The following THBD variants were observed in gnomAD, a reference collection of about 807,000 sequenced individuals.
THBD encodes the protein thrombomodulin, also known as CD141 antigen.
For synonymous variants in THBD, 449 were observed against 374.2 expected (o/e 1.20, Z -2.31); for missense variants, 850 against 816.9 (o/e 1.04, Z -0.49).
Position 23,047,871 on chromosome 20 carries a change from G to A in THBD, c.1634C>T (p.Ala545Val), listed in dbSNP as rs763163982. Reference sequence around the variant, plus strand: ...CTTGTACTCCATCTTGGCCCTGGCGGCGCCCTGCTTCTTGCGCAGGTGGCA... The same window carrying A: ...CTTGTACTCCATCTTGGCCCTGGCGACGCCCTGCTTCTTGCGCAGGTGGCA... ...LLCHLRKKQG[A>V]ARAKMEYKCA... The change falls in exon 1 of 1, where the codon GCC becomes GTC. Residue 545 changes from alanine to valine, a missense_variant. By Grantham distance (64) the Ala-to-Val change is moderately conservative. Coordinates refer to ENST00000377103, the MANE Select transcript of THBD (RefSeq NM_000361.3). The A allele has an allele frequency of 6.2e-7, 1 of 1,602,894 alleles. No individual in the cohort carries two copies. Among genetic ancestry groups the A allele is most frequent in the East Asian group, 2.3e-5 (1 of 44,442 alleles).
rs781753148 is a variant in THBD at position 23,048,950 on chromosome 20, C to T, written c.555G>A (p.Ala185=). 1.9e-6 allele frequency: 3 copies of T among 1,545,766 alleles called. No homozygotes were observed. Among genetic ancestry groups the T allele is most frequent in the Non-Finnish European group, 1.7e-6 (2 of 1,148,610 alleles). The change falls in exon 1 of 1, where the codon GCG becomes GCA. Residue 185 remains alanine, a synonymous_variant. Coordinates refer to ENST00000377103, the MANE Select transcript of THBD (RefSeq NM_000361.3). ...CGTAGGTGATCGAGACGGCGGCAGC[C>T]GCGGCGCCGGGCTCCACAGCCAGTG... ...CRPLAVEPGA[A]AAAVSITYGT...
chr20:23,048,864 G>T lies in THBD; in HGVS notation c.641C>A (p.Ala214Glu). Residue 214 changes from alanine to glutamate, a missense_variant, in exon 1 of 1, where the codon GCG becomes GAG. Coordinates refer to ENST00000377103, the MANE Select transcript of THBD (RefSeq NM_000361.3). ...TAGCTGTAAGCCGAGGGGAGCCACC[G>T]CGGCGGAGCTGCCCACCGGCAGCGC... Reference protein sequence around the residue: ...FQALPVGSSAAVAPLGLQLMC... With the variant: ...FQALPVGSSAEVAPLGLQLMC... 1 of 1,503,056 alleles carries T rather than the reference G, an allele frequency of 6.7e-7. No individual in the cohort carries two copies. The highest frequency in any genetic ancestry group is 1.4e-5 in the African/African-American group (1 of 71,642). The allele number at this position is 1,503,056 out of a possible 1,614,324, so 93.1% of individuals were successfully genotyped here.
rs140335769 is a variant in THBD, at chr20:23,049,018, C to T, written c.487G>A (p.Asp163Asn). Residue 163 changes from aspartate (D) to asparagine (N), a missense_variant, in exon 1 of 1, where the codon GAT (aspartate) becomes AAT (asparagine). Physicochemically the swap from Asp to Asn is conservative, Grantham distance 23. Coordinates refer to ENST00000377103, the MANE Select transcript of THBD (RefSeq NM_000361.3). ...AAGTGGAACTCGCAGAGGAAGCCAT[C>T]GGCCTTCACTTCGCACTGCTGCTCC... ...WEEQQCEVKA[D>N]GFLCEFHFPA... 4.5e-6 allele frequency: 7 copies of T among 1,572,696 alleles called. No individual in the cohort carries two copies. The African/African-American group carries it at 5.4e-5, about 12-fold the overall frequency.
Position 23,047,827 on chromosome 20 carries a change from C to T in THBD, c.1678G>A (p.Glu560Lys), listed in dbSNP as rs201487514. 8 of 1,599,594 alleles carry T rather than the reference C, an allele frequency of 5.0e-6. No individual in the cohort carries two copies. The South Asian group carries it at 7.9e-5, about 16-fold the overall frequency. Residue 560 changes from glutamate (E) to lysine (K), a missense_variant, in exon 1 of 1, where the codon GAG becomes AAG. Physicochemically the swap from Glu to Lys is moderately conservative, Grantham distance 56. Coordinates refer to ENST00000377103, the MANE Select transcript of THBD (RefSeq NM_000361.3). ...GTCCGCACGTGCTGCAGCACTACCT[C>T]CTTGGAAGGGGCCGCGCACTTGTAC... is the stretch of plus-strand genomic sequence containing the variant. Reference protein sequence around the residue: ...MEYKCAAPSKEVVLQHVRTER... With the variant: ...MEYKCAAPSKKVVLQHVRTER...
rs1984629786 is a variant in THBD at position 23,048,146 on chromosome 20, C to A, written c.1359G>T (p.Gly453=). The A allele has an allele frequency of 6.2e-7, 1 of 1,613,586 alleles. No individual in the cohort carries two copies. Among genetic ancestry groups the A allele is most frequent in the South Asian group, 1.1e-5 (1 of 91,086 alleles). Residue 453 remains glycine (G), a synonymous_variant, in exon 1 of 1, where the codon GGG becomes GGT. Coordinates refer to ENST00000377103, the MANE Select transcript of THBD (RefSeq NM_000361.3). ...DECENGGFCS[G]VCHNLPGTFE... ...AGGTACCGGGGAGGTTGTGGCACAC[C>A]CCGGAGCAGAAGCCGCCGTTTTCGC... is the stretch of plus-strand genomic sequence containing the variant.
At position 23,048,302 on chromosome 20, in the gene THBD, C is replaced by T. The variant is rs1304888856; in HGVS notation, c.1203G>A (p.Pro401=). 2 of 1,613,876 alleles carry T rather than the reference C, an allele frequency of 1.2e-6. No individual in the cohort carries two copies. The highest frequency in any genetic ancestry group is 8.5e-7 in the Non-Finnish European group (1 of 1,180,032). ...GGTTGCAAAACATCTGGCACCTGTG[C>T]GGCTCGTGGGGAATGGGCGCGAAGC... The part of the protein sequence containing the change: ...AEGFAPIPHE[P]HRCQMFCNQT... Residue 401 remains proline (P), a synonymous_variant, in exon 1 of 1, where the codon CCG becomes CCA. Coordinates refer to ENST00000377103, the MANE Select transcript of THBD (RefSeq NM_000361.3).
At position 23,047,888 on chromosome 20, in the gene THBD, C is replaced by G. The variant is rs376049994; in HGVS notation, c.1617G>C (p.Leu539=). 3 of 1,606,022 alleles carry G rather than the reference C, an allele frequency of 1.9e-6. No homozygotes were observed. The Admixed American group carries it at 5.1e-5, about 27-fold the overall frequency. The part of the protein sequence containing the change: ...VVALLALLCH[L]RKKQGAARAK... The stretch of plus-strand genomic sequence containing the variant: ...CCCTGGCGGCGCCCTGCTTCTTGCG[C>G]AGGTGGCAGAGGAGCGCCAAAAGCG... The change falls in exon 1 of 1, where the codon CTG becomes CTC. Residue 539 remains leucine (L), a synonymous_variant. Transcript: ENST00000377103.
rs982068192 is a variant in THBD, at chr20:23,049,090, C to A, written c.415G>T (p.Ala139Ser). 45 of 1,581,994 alleles carry A rather than the reference C, an allele frequency of 2.8e-5. No homozygotes were observed. Among genetic ancestry groups the A allele is most frequent in the Non-Finnish European group, 3.7e-5 (43 of 1,166,010 alleles). ...GAPLCGPLCV[A>S]VSAAEATVPS... ...ACAGTGGCCTCAGCAGCGGAGACAG[C>A]GACGCACAACGGGCCGCAGAGGGGA... Residue 139 changes from alanine to serine, a missense_variant, in exon 1 of 1, where the codon GCT (alanine) becomes TCT (serine). Transcript: ENST00000377103.
At position 23,046,528 on chromosome 20, in the gene THBD, T is replaced by G. The variant is rs1984574509; in HGVS notation, c.*1249A>C. On this transcript the variant is annotated 3_prime_UTR_variant, in exon 1 of 1. Transcript: ENST00000377103. ...GGGCAGGGCAGCTTCCAATTCTTGT[T>G]CAGGGGCCACATTCCAAAAGGCCTC... 6.6e-6 allele frequency: 1 copy of G among 152,192 alleles called. No homozygotes were observed. The highest frequency in any genetic ancestry group is 1.5e-5 in the Non-Finnish European group (1 of 68,036). 9.4% of individuals were successfully genotyped at this position (152,192 alleles called of 1,614,324 possible). A position where few individuals can be genotyped will look rare whatever the true frequency, so the allele number is the denominator to read the frequency against.
At position 23,049,452 on chromosome 20, in the gene THBD, G is replaced by C; in HGVS notation, c.53C>G (p.Pro18Arg). Residue 18 changes from proline to arginine, a missense_variant, in exon 1 of 1, where the codon CCC (proline) becomes CGC (arginine). Coordinates refer to ENST00000377103, the MANE Select transcript of THBD (RefSeq NM_000361.3). ...ACCCGGCTGCGGCTCTGCGGGTGCGGGGAACCCCAGGCCGGCCAGGGCCAG... is the reference window on the plus strand; with the variant it reads ...ACCCGGCTGCGGCTCTGCGGGTGCGCGGAACCCCAGGCCGGCCAGGGCCAG... Reference protein sequence around the residue: ...GALALAGLGFPAPAEPQPGGS... With the variant: ...GALALAGLGFRAPAEPQPGGS... 6.4e-7 allele frequency: 1 copy of C among 1,555,236 alleles called. No individual in the cohort carries two copies. Among genetic ancestry groups the C allele is most frequent in the Non-Finnish European group, 8.7e-7 (1 of 1,151,242 alleles).
rs1984561222 is a variant in THBD at position 23,046,003 on chromosome 20, T to A, written c.*1774A>T. The A allele has an allele frequency of 6.6e-6, 1 of 152,254 alleles. No homozygotes were observed. Among genetic ancestry groups the A allele is most frequent in the Admixed American group, 6.5e-5 (1 of 15,290 alleles). 9.4% of individuals were successfully genotyped at this position (152,254 alleles called of 1,614,324 possible). On this transcript the variant is annotated 3_prime_UTR_variant, in exon 1 of 1. Coordinates refer to ENST00000377103, the MANE Select transcript of THBD (RefSeq NM_000361.3). ...ACAGACACACAACCCGAGAGCACAT[T>A]GTTATTTGTTTATTTTGTACAAGTG...
chr20:23,048,720 G>T lies in THBD; in HGVS notation c.785C>A (p.Ala262Asp). The stretch of plus-strand genomic sequence containing the variant: ...GCCGGCTGGGCACTGGCAGCGGGGA[G>T]CCCCAGGGATCGCATTGCACGCGTG... ...CEHACNAIPG[A>D]PRCQCPAGAA... The change falls in exon 1 of 1, where the codon GCT becomes GAT. Residue 262 changes from alanine to aspartate, a missense_variant. Physicochemically the swap from Ala to Asp is moderately radical, Grantham distance 126. Transcript: ENST00000377103. 6.3e-7 allele frequency: 1 copy of T among 1,581,384 alleles called. No homozygotes were observed. Among genetic ancestry groups the T allele is most frequent in the Non-Finnish European group, 8.5e-7 (1 of 1,171,746 alleles).
At position 23,048,397 on chromosome 20, in the gene THBD, A is replaced by T. The variant is rs768721262; in HGVS notation, c.1108T>A (p.Phe370Ile). The change falls in exon 1 of 1, where the codon TTC (phenylalanine) becomes ATC (isoleucine). Residue 370 changes from phenylalanine (F) to isoleucine (I), a missense_variant. Phe to Ile is a conservative substitution (Grantham distance 21). Coordinates refer to ENST00000377103, the MANE Select transcript of THBD (RefSeq NM_000361.3). ...CACTGGTACTCGCAGTTGGCTCTGAAGCACGGGTCCACGGGCTCCACACAC... is the reference window on the plus strand; with the variant it reads ...CACTGGTACTCGCAGTTGGCTCTGATGCACGGGTCCACGGGCTCCACACAC... The part of the protein sequence containing the change: ...GECVEPVDPC[F>I]RANCEYQCQP... 1 of 1,613,994 alleles carries T rather than the reference A, an allele frequency of 6.2e-7. No homozygotes were observed. The highest frequency in any genetic ancestry group is 8.5e-7 in the Non-Finnish European group (1 of 1,179,996).
rs1169178071 is a variant in THBD, at chr20:23,049,225, G to A, written c.280C>T (p.Pro94Ser). 1 of 1,556,792 alleles carries A rather than the reference G, an allele frequency of 6.4e-7. No homozygotes were observed. Among genetic ancestry groups the A allele is most frequent in the Middle Eastern group, 1.8e-4 (1 of 5,610 alleles). Residue 94 changes from proline to serine, a missense_variant, in exon 1 of 1, where the codon CCC (proline) becomes TCC (serine). Pro to Ser is a moderately conservative substitution (Grantham distance 74). Transcript: ENST00000377103. ...RRLWIGLQLP[P>S]GCGDPKRLGP... ...AGGCGCTTGGGGTCGCCGCAGCCGG[G>A]TGGCAGCTGCAGGCCGATCCAGAGG...
At position 23,048,635 on chromosome 20, in the gene THBD, G is replaced by A; in HGVS notation, c.870C>T (p.Asp290=). 6.3e-7 allele frequency: 1 copy of A among 1,596,588 alleles called. No individual in the cohort carries two copies. Among genetic ancestry groups the A allele is most frequent in the Non-Finnish European group, 8.5e-7 (1 of 1,178,816 alleles). The change falls in exon 1 of 1, where the codon GAC becomes GAT. Residue 290 remains aspartate (D), a synonymous_variant. Coordinates refer to ENST00000377103, the MANE Select transcript of THBD (RefSeq NM_000361.3). ...TGGGAACGCAGAAGTGCTCGCAGAG[G>A]TCGTTGCAGGACTGCGTCGCGGATG... is the stretch of plus-strand genomic sequence containing the variant. ...CTASATQSCN[D]LCEHFCVPNP...
rs1343190584 is a variant in THBD at position 23,049,585 on chromosome 20, G to C, written c.-81C>G. ...GCCGTGCCGGAGCAGAGGGGCACAG[G>C]ACGCCGATGGCGACAGCCTCTCCTG... On this transcript the variant is annotated 5_prime_UTR_variant, in exon 1 of 1. Coordinates refer to ENST00000377103, the MANE Select transcript of THBD (RefSeq NM_000361.3). 2.0e-6 allele frequency: 3 copies of C among 1,520,308 alleles called. No homozygotes were observed. The South Asian group carries it at 3.6e-5, about 18-fold the overall frequency. The allele number at this position is 1,520,308 out of a possible 1,614,324, so 94.2% of individuals were successfully genotyped here. A position where few individuals can be genotyped will look rare whatever the true frequency, so the allele number is the denominator to read the frequency against.
rs1379469590 is a variant in THBD at position 23,047,415 on chromosome 20, A to G, written c.*362T>C. The G allele has an allele frequency of 3.4e-6, 1 of 295,952 alleles. No homozygotes were observed. The highest frequency in any genetic ancestry group is 6.3e-6 in the Non-Finnish European group (1 of 158,704). The allele number at this position is 295,952 out of a possible 1,614,324, so 18.3% of individuals were successfully genotyped here. A position where few individuals can be genotyped will look rare whatever the true frequency, so the allele number is the denominator to read the frequency against. On this transcript the variant is annotated 3_prime_UTR_variant, in exon 1 of 1. Transcript: ENST00000377103. ...AAACAAAAACCTAAATACTTAAAAA[A>G]AATAAATATTTTAGTCATCCCTAGC...
Position 23,048,085 on chromosome 20 carries a change from G to A in THBD, c.1420C>T (p.Arg474Cys), listed in dbSNP as rs766214166. 93 of 1,612,356 alleles carry A rather than the reference G, an allele frequency of 5.8e-5. No individual in the cohort carries two copies. Among genetic ancestry groups the A allele is most frequent in the Middle Eastern group, 1.6e-4 (1 of 6,082 alleles). The change falls in exon 1 of 1, where the codon CGC becomes TGC. Residue 474 changes from arginine to cysteine, a missense_variant. Arg to Cys is a radical substitution (Grantham distance 180, BLOSUM62 -3). Transcript: ENST00000377103. ...GAGTCACAGTCGGTGCCAATGTGGC[G>A]GGCAAGGGCCGAGTCGGGCCCGCAG... ...CICGPDSALARHIGTDCDSGK... is the reference protein window; with the variant it reads ...CICGPDSALACHIGTDCDSGK...
rs1016890779 is a variant in THBD, at chr20:23,048,955, C to A, written c.550G>T (p.Ala184Ser). ...GTGATCGAGACGGCGGCAGCCGCGG[C>A]GCCGGGCTCCACAGCCAGTGGCCTG... is the stretch of plus-strand genomic sequence containing the variant. ...TCRPLAVEPG[A>S]AAAAVSITYG... The change falls in exon 1 of 1, where the codon GCC (alanine) becomes TCC (serine). Residue 184 changes from alanine to serine, a missense_variant. Coordinates refer to ENST00000377103, the MANE Select transcript of THBD (RefSeq NM_000361.3). The A allele has an allele frequency of 5.2e-6, 8 of 1,549,208 alleles. No homozygotes were observed. The highest frequency in any genetic ancestry group is 7.0e-6 in the Non-Finnish European group (8 of 1,150,510).
Sources: gnomAD v4.1 joint callset for allele counts on GRCh38, gnomAD v4.1.1 for gene constraint, MANE v1.5 for transcripts, NCBI Gene and HGNC (gene_info 2026-07-23, HGNC 2026-07-21) for gene names.